Variants in RPAP1 observed in about 807,000 individuals in gnomAD.
RPAP1 encodes the protein RNA polymerase II associated protein 1, also known as RNA polymerase II-associated protein 1.
A neutral mutation model predicts 142.4 loss-of-function variants in RPAP1; 109 were observed. The ratio of observed to expected loss-of-function variants is 0.77; its 90% confidence interval spans 0.66 to 0.90. The LOEUF (loss-of-function observed/expected upper bound fraction) is 0.90. Among genes scored for constraint, RPAP1 ranks in the 40% least tolerant of loss-of-function variants. The pLI is 0.00. For synonymous variants in RPAP1, 704 were observed against 738.9 expected (o/e 0.95, Z 0.77); for missense variants, 1,546 against 1,751.7 (o/e 0.88, Z 2.10).
At chr15:41,528,701 G>T (rs997657647) in intron 9 of RPAP1, among the ~76,000 whole-genome samples, 1 of 152,156 alleles carries the variant, frequency 6.6e-6, no homozygotes, top group African/African-American at 2.4e-5. Context: ...GGAGGTATGT[G>T]GGGAGAAGCC....
intron 14 of RPAP1, 96 bp downstream of exon 14, chr15:41,526,802 C>T: frequency 3.2e-6 from 4 of 1,262,200 alleles, no homozygotes; most frequent in Non-Finnish European, 4.4e-6. Context: ...AAGAAGATGG[C>T]AAGAGCTGGC....
rs765825474 is a variant in RPAP1, at chr15:41,524,184, G to A, written c.2146C>T (p.Pro716Ser). The change falls in exon 16 of 25, where the codon CCC becomes TCC. Residue 716 changes from proline (P) to serine (S), a missense_variant. Pro to Ser is a moderately conservative substitution (Grantham distance 74). Transcript: ENST00000304330. ...PRELSTHPPQ[P>S]LSMQRIASLL... Reference sequence around the variant, plus strand: ...GAGGCTATCCGCTGCATGGACAGGGGTTGAGGTGGGTGGGTGCTGAGCTCC... The same window carrying A: ...GAGGCTATCCGCTGCATGGACAGGGATTGAGGTGGGTGGGTGCTGAGCTCC... 8.2e-6 allele frequency: 13 copies of A among 1,592,504 alleles called. No individual in the cohort carries two copies. The South Asian group carries it at 1.0e-4, about 13-fold the overall frequency.
chr15:41,538,793 C>T (rs1215754703), intron 1 of RPAP1, among the ~76,000 whole-genome samples: 1 of 151,992 alleles, frequency 6.6e-6, no homozygotes, highest in Non-Finnish European at 1.5e-5. Flanking sequence ...ATTTATTTGT[C>T]AACAAAAAGG....
intron 6 of RPAP1, 90 bp downstream of exon 6, chr15:41,534,624 G>A (rs888478652): frequency 4.0e-6 from 2 of 493,908 alleles, no homozygotes; most frequent in Non-Finnish European, 7.6e-6. Flanking sequence ...AAAGTACTCA[G>A]CACAGTGCCC....
chr15:41,520,368 G>A (rs758455947), intron 22 of RPAP1, 23 bp downstream of exon 22: 1 of 1,612,668 alleles, frequency 6.2e-7, no homozygotes, highest in Admixed American at 1.7e-5. Context: ...ACCCTTGCAG[G>A]TCCTGCTGGG....
chr15:41,534,233 C>T (rs139987381), intron 6 of RPAP1, among the ~76,000 whole-genome samples: 269 of 151,850 alleles, frequency 1.8e-3, no homozygotes, highest in African/African-American at 6.2e-3. Flanking sequence ...GCCTGACCAA[C>T]ATGGAGAAAC....
intron 19 of RPAP1, chr15:41,522,541 C>T: frequency 1.8e-6 from 1 of 563,838 alleles, no homozygotes; most frequent in South Asian, 2.3e-5. Flanking sequence ...CAGGCATGTG[C>T]CATCATGCCT....
intron 1 of RPAP1, among the ~76,000 whole-genome samples, chr15:41,540,291 G>A (rs1329432844): frequency 7.0e-6 from 1 of 143,404 alleles, no homozygotes; most frequent in African/African-American, 2.5e-5. Context: ...AGCCTAGGAG[G>A]TAGGTTACTA....
intron 9 of RPAP1, among the ~76,000 whole-genome samples, chr15:41,528,889 A>C (rs1158188491): frequency 6.6e-6 from 1 of 152,188 alleles, no homozygotes; most frequent in Admixed American, 6.6e-5. Context: ...TCAGCACAGC[A>C]GCCCCGAGAG....
intron 5 of RPAP1, 80 bp from the exon 6 acceptor site, chr15:41,535,015 T>C: frequency 7.4e-7 from 1 of 1,353,476 alleles, no homozygotes; most frequent in Non-Finnish European, 1.0e-6. Context: ...TCTATAAGGC[T>C]ATTAGCCCTG....
At chr15:41,530,891 C>G (rs1270392799) in intron 7 of RPAP1, 132 bp downstream of exon 7, 11 of 856,826 alleles carry the variant, frequency 1.3e-5, no homozygotes, top group Non-Finnish European at 1.8e-5. Flanking sequence ...TGACTTGAAG[C>G]CAATAATGAG....
rs761320084 is a variant in RPAP1 at position 41,517,648 on chromosome 15, G to A, written c.4076C>T (p.Thr1359Met). 1.4e-5 allele frequency: 22 copies of A among 1,612,364 alleles called. No individual in the cohort carries two copies. The East Asian group carries it at 2.0e-4, about 15-fold the overall frequency. ...ATAGAGCTCAAAGCCCTCTGGGAGC[G>A]TGGAATTGGGAAGCTTATAGTGCAG... is the stretch of plus-strand genomic sequence containing the variant. ...HLLHYKLPNSTLPEGFELYSQ... is the reference protein window; with the variant it reads ...HLLHYKLPNSMLPEGFELYSQ... The change falls in exon 25 of 25, where the codon ACG (threonine) becomes ATG (methionine). Residue 1359 changes from threonine (T) to methionine (M), a missense_variant. This residue lies in a region of RPAP1 where 210 missense variants were observed against 248.0 expected (regional missense o/e 0.85). Coordinates refer to ENST00000304330, the MANE Select transcript of RPAP1 (RefSeq NM_015540.4).
Position 41,536,497 on chromosome 15 carries a change from G to A in RPAP1, c.330+4C>T, listed in dbSNP as rs760705218. 22 of 1,613,852 alleles carry A rather than the reference G, an allele frequency of 1.4e-5. No individual in the cohort carries two copies. Among genetic ancestry groups the A allele is most frequent in the South Asian group, 7.7e-5 (7 of 91,030 alleles). ...TTATCCTACTCAGCCAGAGTGAGACGCACAATAATCTTAGTCAAGACAGCA... is the reference window on the plus strand; with the variant it reads ...TTATCCTACTCAGCCAGAGTGAGACACACAATAATCTTAGTCAAGACAGCA... On this transcript the variant is annotated splice_donor_region_variant and intron_variant, in intron 3 of 24. Transcript: ENST00000304330.
chr15:41,524,332 G>C, intron 15 of RPAP1, 78 bp from the exon 16 acceptor site: 2 of 1,289,762 alleles, frequency 1.6e-6, no homozygotes, highest in Non-Finnish European at 2.1e-6. Context: ...CCCTGACCCA[G>C]GGATCTGCAG....
At chr15:41,539,423 T>C (rs959528707) in intron 1 of RPAP1, among the ~76,000 whole-genome samples, 13 of 152,048 alleles carry the variant, frequency 8.5e-5, no homozygotes, top group African/African-American at 3.1e-4. Context: ...GCCTCCTGAG[T>C]AGCTGGGATT....
At chr15:41,538,866 A>G (rs1454254324) in intron 1 of RPAP1, among the ~76,000 whole-genome samples, 1 of 150,582 alleles carries the variant, frequency 6.6e-6, no homozygotes, top group Non-Finnish European at 1.5e-5. Context: ...TATATGACTC[A>G]GAAACATTTT....
At position 41,533,141 on chromosome 15, in the gene RPAP1, C is replaced by T. The variant is rs902583699; in HGVS notation, c.763+1573G>A. On this transcript the variant is annotated intron_variant, in intron 6 of 24. Transcript: ENST00000304330. ...ATAAGTAAAATAGGGTTAATACCAC[C>T]TACCTCACAGGACAAGTTTAAGGAC... Among the ~76,000 whole-genome samples the T allele has an allele frequency of 8.5e-5, 13 of 152,088 alleles. No homozygotes were observed. In the East Asian group the frequency reaches 1.5e-3, roughly 18 times the overall value.
At chr15:41,530,829 C>G (rs978429612) in intron 7 of RPAP1, among the ~76,000 whole-genome samples, 194 bp downstream of exon 7, 9 of 152,132 alleles carry the variant, frequency 5.9e-5, no homozygotes, top group African/African-American at 1.9e-4. Flanking sequence ...AGTAACAGGA[C>G]AAGAAAACAG....
chr15:41,521,829 C>T lies in RPAP1; in HGVS notation c.2947G>A (p.Ala983Thr), dbSNP rs756532132. ...ATHAALYHGM[A>T]LALLSRLLPG... is the part of the protein sequence containing the mutation. ...AGCAGCCGGCTCAGCAGGGCCAAGG[C>T]CATACCATGATAGAGGGCAGCATGG... The change falls in exon 21 of 25, where the codon GCC becomes ACC. Residue 983 changes from alanine (A) to threonine (T), a missense_variant. Transcript: ENST00000304330. 22 of 1,614,168 alleles carry T rather than the reference C, an allele frequency of 1.4e-5. No individual in the cohort carries two copies. In the East Asian group the frequency reaches 4.5e-4, roughly 33 times the overall value.
Sources: gnomAD v4.1 joint callset for allele counts (sites outside exome capture counted in the v4.1 genomes callset) on GRCh38, gnomAD v4.1.1 for gene constraint, gnomAD v4.1.1 regional missense constraint, MANE v1.5 for transcripts, NCBI Gene and HGNC (gene_info 2026-07-23, HGNC 2026-07-21) for gene names.